The following GOSR1 variants were observed in gnomAD, a reference collection of about 807,000 sequenced individuals.
GOSR1 encodes the protein 28 kDa Golgi SNARE protein.
In GOSR1, 21 loss-of-function variants were observed where a neutral mutation model predicts 35.5. The ratio of observed to expected loss-of-function variants is 0.59; its 90% confidence interval spans 0.42 to 0.85. The LOEUF (loss-of-function observed/expected upper bound fraction) is 0.85, where lower values mean the gene tolerates loss of function less well. Among genes scored for constraint, GOSR1 ranks in the 40% least tolerant of loss-of-function variants. The probability of loss-of-function intolerance (pLI) is 0.00; values close to 1 mark genes in which losing one functional copy is unlikely to be tolerated. For missense variants in GOSR1, 285 were observed against 309.6 expected (o/e 0.92, Z 0.60); for synonymous variants, 94 against 106.6 (o/e 0.88, Z 0.73).
At chr17:30,496,451 A>G (rs543810331) in intron 6 of GOSR1, among the ~76,000 whole-genome samples, 13 of 152,274 alleles carry the variant, frequency 8.5e-5, no homozygotes, top group African/African-American at 3.1e-4. Context: ...ACCCTAGGCT[A>G]CTGTGGCACT....
intron 7 of GOSR1, among the ~76,000 whole-genome samples, chr17:30,512,557 A>G (rs190609980): frequency 3.7e-4 from 57 of 152,324 alleles, no homozygotes; most frequent in Middle Eastern, 3.4e-3. Flanking sequence ...TCATCTTAAT[A>G]CATTTTAGTC....
intron 5 of GOSR1, among the ~76,000 whole-genome samples, chr17:30,491,729 T>C (rs1915056526): frequency 6.6e-6 from 1 of 152,176 alleles, no homozygotes; most frequent in African/African-American, 2.4e-5. Flanking sequence ...GAGGAAAGTA[T>C]ATGTAGTAGT....
chr17:30,507,702 G>A (rs566709787), intron 6 of GOSR1, among the ~76,000 whole-genome samples: 4 of 140,858 alleles, frequency 2.8e-5, no homozygotes, highest in South Asian at 2.2e-4. Flanking sequence ...CAGCCAGGGC[G>A]ACACAGCAAG....
intron 1 of GOSR1, chr17:30,479,712 G>A (rs1224348604): frequency 6.6e-6 from 1 of 152,272 alleles, no homozygotes; most frequent in African/African-American, 2.4e-5. Flanking sequence ...GTTTCACCGT[G>A]TTAGCTAGGA....
chr17:30,487,547 A>T (rs1025993412), intron 4 of GOSR1, among the ~76,000 whole-genome samples: 1 of 152,258 alleles, frequency 6.6e-6, no homozygotes, highest in Non-Finnish European at 1.5e-5. Flanking sequence ...AAACATTTTC[A>T]GCAGTATTTC....
chr17:30,520,023 T>G lies in GOSR1; in HGVS notation c.622+2T>G. On this transcript the variant is annotated splice_donor_variant, in intron 8 of 8. Coordinates refer to ENST00000451249, the MANE Select transcript of GOSR1 (RefSeq NM_001007025.2). LOFTEE classifies it high-confidence loss of function. ...ACAGCAAAATGAACACTTTGGCCAG[T>G]ATCCTTTTTGAATGTTCGCAGTCTG... 6.3e-7 allele frequency: 1 copy of G among 1,578,694 alleles called. No homozygotes were observed. The highest frequency in any genetic ancestry group is 8.7e-7 in the Non-Finnish European group (1 of 1,148,026).
chr17:30,523,371 GTC>G lies in GOSR1; in HGVS notation c.*997_*998del, dbSNP rs1968111600. 1.1e-5 allele frequency: 2 copies of G among 176,220 alleles called. No individual in the cohort carries two copies. Among genetic ancestry groups the G allele is most frequent in the Middle Eastern group, 2.5e-3 (1 of 404 alleles). 10.9% of individuals were successfully genotyped at this position (176,220 alleles called of 1,614,324 possible). Reference sequence around the variant, plus strand: ...CGACCCCGTCTGGGAGGTGAGGAGCGTCTCTGTCTGGCCACCCCGTCTGAGAA... The same window carrying G: ...CGACCCCGTCTGGGAGGTGAGGAGCGTCTGTCTGGCCACCCCGTCTGAGAA... On this transcript the variant is annotated 3_prime_UTR_variant, in exon 9 of 9. Transcript: ENST00000451249.
chr17:30,493,819 AATAAAG>A (rs928700948), intron 6 of GOSR1, among the ~76,000 whole-genome samples: 3 of 152,198 alleles, frequency 2.0e-5, no homozygotes, highest in Admixed American at 6.5e-5. Context: ...TATATTCCAT[AATAAAG>A]ATAAACCATA....
At chr17:30,521,684 A>C (rs1414036368) in intron 8 of GOSR1, among the ~76,000 whole-genome samples, 2 of 152,118 alleles carry the variant, frequency 1.3e-5, no homozygotes, top group Non-Finnish European at 2.9e-5. Flanking sequence ...AGTAACTTTG[A>C]AAATATTAAT....
intron 7 of GOSR1, among the ~76,000 whole-genome samples, chr17:30,517,176 T>C (rs1415878041): frequency 1.3e-5 from 2 of 152,236 alleles, no homozygotes; most frequent in East Asian, 3.8e-4. Flanking sequence ...TTTCTAATGT[T>C]CTTTTCATTT....
At chr17:30,487,029 G>T (rs971040457) in intron 4 of GOSR1, among the ~76,000 whole-genome samples, 2 of 152,128 alleles carry the variant, frequency 1.3e-5, no homozygotes, top group Admixed American at 6.5e-5. Context: ...AAGATAAGTG[G>T]TAGAGGGTTC....
In GOSR1 at chr17:30,522,327, G is replaced by A; in HGVS notation, c.696G>A (p.Gly232=). 6.2e-7 allele frequency: 1 copy of A among 1,609,994 alleles called. No homozygotes were observed. The highest frequency in any genetic ancestry group is 8.5e-7 in the Non-Finnish European group (1 of 1,177,688). Residue 232 remains glycine, a synonymous_variant, in exon 9 of 9, where the codon GGG becomes GGA. Coordinates refer to ENST00000451249, the MANE Select transcript of GOSR1 (RefSeq NM_001007025.2). ...AGCGGCGGGACTCGCTCATCCTAGG[G>A]GGTGTTATTGGGATCTGTACCATCC... ...LRKRRDSLIL[G]GVIGICTILL... is the part of the protein sequence containing the mutation.
At chr17:30,503,263 G>A (rs1339800947) in intron 6 of GOSR1, among the ~76,000 whole-genome samples, 4 of 152,168 alleles carry the variant, frequency 2.6e-5, no homozygotes, top group African/African-American at 9.7e-5. Context: ...TGTAGTGTGT[G>A]TGTTGGGGGA....
chr17:30,502,001 A>C (rs765493331), intron 6 of GOSR1, among the ~76,000 whole-genome samples: 24 of 152,260 alleles, frequency 1.6e-4, no homozygotes, highest in Non-Finnish European at 3.2e-4. Flanking sequence ...ATGGTGGTAC[A>C]TCCATGCAAT....
chr17:30,509,522 C>G (rs570581037), intron 6 of GOSR1, among the ~76,000 whole-genome samples: 20 of 152,320 alleles, frequency 1.3e-4, no homozygotes, highest in African/African-American at 3.6e-4. Context: ...CTTAGAAATT[C>G]TTTTGGAAAT....
In GOSR1 at chr17:30,526,158, CT is replaced by C. The variant is rs1356398355; in HGVS notation, c.*3781del. ...ACGGACCAGTTACCAGATTCAGAGG[CT>C]AACAGTTAGTTACTTGTTAATGCTA... On this transcript the variant is annotated 3_prime_UTR_variant, in exon 9 of 9. Transcript: ENST00000451249. The C allele has an allele frequency of 6.6e-6, 1 of 152,180 alleles. No homozygotes were observed. Among genetic ancestry groups the C allele is most frequent in the Non-Finnish European group, 1.5e-5 (1 of 68,038 alleles). 9.4% of individuals were successfully genotyped at this position (152,180 alleles called of 1,614,324 possible).
In GOSR1 at chr17:30,524,247, C is replaced by A. The variant is rs1165403585; in HGVS notation, c.*1869C>A. On this transcript the variant is annotated 3_prime_UTR_variant, in exon 9 of 9. Coordinates refer to ENST00000451249, the MANE Select transcript of GOSR1 (RefSeq NM_001007025.2). ...AAATAATATAATAATAATTCTTGTC[C>A]TCTTATTTTACACTCATAATGAGAA... The A allele has an allele frequency of 1.3e-5, 2 of 152,536 alleles. No individual in the cohort carries two copies. Among genetic ancestry groups the A allele is most frequent in the South Asian group, 4.2e-4 (2 of 4,812 alleles). 9.4% of individuals were successfully genotyped at this position (152,536 alleles called of 1,614,324 possible).
chr17:30,504,501 T>G (rs1156289253), intron 6 of GOSR1, among the ~76,000 whole-genome samples: 1 of 152,200 alleles, frequency 6.6e-6, no homozygotes, highest in Admixed American at 6.5e-5. Context: ...AAAATCCAAT[T>G]TTGTGCAAAA....
intron 6 of GOSR1, among the ~76,000 whole-genome samples, chr17:30,509,663 C>G (rs1278944424): frequency 6.6e-6 from 1 of 152,072 alleles, no homozygotes; most frequent in African/African-American, 2.4e-5. Context: ...CAAACTTTAC[C>G]TATTCATTTC....
Sources: allele counts gnomAD v4.1 joint callset (sites outside exome capture counted in the v4.1 genomes callset), GRCh38; gene constraint gnomAD v4.1.1; transcripts MANE v1.5; gene names NCBI Gene and HGNC (gene_info 2026-07-23, HGNC 2026-07-21).